PAK5: variants seen among roughly 807,000 people sequenced by gnomAD.
PAK5 encodes serine/threonine-protein kinase PAK 5.
In PAK5, 16 loss-of-function variants were observed where a neutral mutation model predicts 65.9. The ratio of observed to expected loss-of-function variants is 0.24; its 90% confidence interval spans 0.16 to 0.37. The LOEUF is 0.37. Ranked by LOEUF, PAK5 falls within the 10% of genes least tolerant of loss-of-function variation. The pLI, the probability that PAK5 is intolerant of heterozygous loss-of-function variation, is 1.00. For synonymous variants in PAK5, 371 were observed against 354.9 expected, an observed-to-expected ratio of 1.05 and a Z score of -0.51; for missense variants, 785 against 903.9, an observed-to-expected ratio of 0.87 and a Z score of 1.69.
chr20:9,776,859 A>T (rs184147026), intron 1 of PAK5, among the ~76,000 whole-genome samples: 1 of 152,338 alleles, frequency 6.6e-6, no homozygotes, highest in East Asian at 1.9e-4. Context: ...TGAATTTCTG[A>T]TCCATAGAAA....
chr20:9,672,990 G>A (rs1476744796), intron 2 of PAK5, among the ~76,000 whole-genome samples: 1 of 152,086 alleles, frequency 6.6e-6, no homozygotes, highest in African/African-American at 2.4e-5. Flanking sequence ...GAGACTCAAA[G>A]AATAATGCTC....
intron 1 of PAK5, among the ~76,000 whole-genome samples, chr20:9,797,128 C>T (rs985236008): frequency 2.6e-5 from 4 of 151,522 alleles, no homozygotes; most frequent in African/African-American, 9.7e-5. Flanking sequence ...ATTTGCGTTT[C>T]TCTGATGGCC....
chr20:9,692,473 G>C (rs181800714), intron 2 of PAK5, among the ~76,000 whole-genome samples: 1 of 152,094 alleles, frequency 6.6e-6, no homozygotes, highest in Non-Finnish European at 1.5e-5. Flanking sequence ...TGGCAGTTAG[G>C]TTATGTTTTA....
At chr20:9,824,890 A>C (rs1600414906) in intron 1 of PAK5, among the ~76,000 whole-genome samples, 1 of 152,142 alleles carries the variant, frequency 6.6e-6, no homozygotes, top group Non-Finnish European at 1.5e-5. Flanking sequence ...ATGCCTCCTC[A>C]TGGTACATGC....
rs187164510 is a variant in PAK5 at position 9,681,894 on chromosome 20, G to A, written c.-12+29392C>T. On this transcript the variant is annotated intron_variant, in intron 2 of 9. Coordinates refer to ENST00000353224, the MANE Select transcript of PAK5 (RefSeq NM_177990.4). The stretch of plus-strand genomic sequence containing the variant: ...TTTTTGTTAGTCTATAAACACCTCC[G>A]TTTTACTTAATTTTTGGAGGCTTCT... Among the ~76,000 whole-genome samples the A allele has an allele frequency of 6.1e-4, 93 of 152,046 alleles. 1 individual carries two copies. Among genetic ancestry groups the A allele is most frequent in the Non-Finnish European group, 9.7e-4 (66 of 67,998 alleles).
chr20:9,815,174 C>T (rs2049342503), intron 1 of PAK5, among the ~76,000 whole-genome samples: 2 of 152,138 alleles, frequency 1.3e-5, no homozygotes, highest in Admixed American at 6.6e-5. Flanking sequence ...AAGGATCCGC[C>T]CCCATGATCC....
chr20:9,836,466 G>T (rs1335201836), intron 1 of PAK5, among the ~76,000 whole-genome samples: 1 of 152,196 alleles, frequency 6.6e-6, no homozygotes, highest in Non-Finnish European at 1.5e-5. Context: ...GCAGAGATTG[G>T]AGTTATGCTG....
chr20:9,811,778 C>T (rs1279443482), intron 1 of PAK5, among the ~76,000 whole-genome samples: 1 of 152,148 alleles, frequency 6.6e-6, no homozygotes, highest in Non-Finnish European at 1.5e-5. Context: ...TGAAACAATG[C>T]AAAGTTGGAC....
intron 3 of PAK5, among the ~76,000 whole-genome samples, chr20:9,612,636 C>T (rs997092187): frequency 6.6e-6 from 1 of 152,048 alleles, no homozygotes; most frequent in Non-Finnish European, 1.5e-5. Flanking sequence ...GAACTCCACC[C>T]CCCCGATCCA....
At chr20:9,641,770 A>C (rs200622971) in intron 3 of PAK5, among the ~76,000 whole-genome samples, 12 of 152,218 alleles carry the variant, frequency 7.9e-5, no homozygotes, top group Non-Finnish European at 1.3e-4. Flanking sequence ...GAAATCGAGC[A>C]CAGCGCCGGT....
rs2122996661 is a variant in PAK5, at chr20:9,566,117, A to G, written c.1258T>C (p.Ser420Pro). ...GACACCCTGGAGGGCTGCTGGTCGG[A>G]GGAGGAGCCCCAGCTGGGCGGCGGG... The part of the protein sequence containing the change: ...TYPPPSWGSS[S>P]DQQPSRVSHE... Residue 420 changes from serine to proline, a missense_variant, in exon 5 of 10, where the codon TCC becomes CCC. This residue lies in a region of PAK5 where 422 missense variants were observed against 413.3 expected (regional missense o/e 1.02). Transcript: ENST00000353224. 1.2e-6 allele frequency: 2 copies of G among 1,613,760 alleles called. No homozygotes were observed. The highest frequency in any genetic ancestry group is 1.7e-6 in the Non-Finnish European group (2 of 1,179,888).
At chr20:9,794,679 GA>G (rs1355573299) in intron 1 of PAK5, among the ~76,000 whole-genome samples, 1 of 152,052 alleles carries the variant, frequency 6.6e-6, no homozygotes, top group East Asian at 1.9e-4. Context: ...AAGGAATTAA[GA>G]AACCAGAGGA....
intron 1 of PAK5, among the ~76,000 whole-genome samples, chr20:9,770,278 C>T (rs572643437): frequency 2.0e-5 from 3 of 152,170 alleles, no homozygotes; most frequent in African/African-American, 7.2e-5. Flanking sequence ...GTGCGGTTGA[C>T]AGTGCGATGA....
chr20:9,545,269 T>C lies in PAK5; in HGVS notation c.1744-775A>G, dbSNP rs114934601. Among the ~76,000 whole-genome samples the C allele has an allele frequency of 7.4e-3, 1,122 of 152,272 alleles. 8 individuals carry two copies. The highest frequency in any genetic ancestry group is 0.025 in the African/African-American group (1,056 of 41,556). On this transcript the variant is annotated intron_variant, in intron 7 of 9. Transcript: ENST00000353224. ...TTCTTTCCTAGAGCTCATGTACTCT[T>C]AAGAACATACTGCACCCTGGGTGTT...
intron 7 of PAK5, among the ~76,000 whole-genome samples, chr20:9,551,772 C>G (rs188679635): frequency 1.3e-5 from 2 of 152,180 alleles, no homozygotes; most frequent in African/African-American, 4.8e-5. Flanking sequence ...AATGCAGCTT[C>G]CTGGGTACCA....
chr20:9,799,933 T>A (rs2049148531), intron 1 of PAK5, among the ~76,000 whole-genome samples: 2 of 93,942 alleles, frequency 2.1e-5, no homozygotes, highest in Non-Finnish European at 3.9e-5. Flanking sequence ...AGTGAGACTC[T>A]GTCTCCAAAA....
At chr20:9,607,261 G>C (rs2046472053) in intron 3 of PAK5, among the ~76,000 whole-genome samples, 1 of 152,174 alleles carries the variant, frequency 6.6e-6, no homozygotes, top group African/African-American at 2.4e-5. Context: ...ACCTGAACCT[G>C]ACTATGAGAA....
At chr20:9,596,375 G>A (rs2123085139) in intron 3 of PAK5, among the ~76,000 whole-genome samples, 1 of 152,228 alleles carries the variant, frequency 6.6e-6, no homozygotes, top group Admixed American at 6.5e-5. Context: ...GGAGGCTCAC[G>A]CCTGTAATCC....
At chr20:9,580,094 C>T in intron 4 of PAK5, 51 bp downstream of exon 4, 1 of 1,483,182 alleles carries the variant, frequency 6.7e-7, no homozygotes, top group East Asian at 2.3e-5. Flanking sequence ...GCCAGCACCA[C>T]CCCTGTGGAG....
Sources: allele counts gnomAD v4.1 joint callset (sites outside exome capture counted in the v4.1 genomes callset), GRCh38; gene constraint gnomAD v4.1.1; regional missense constraint gnomAD v4.1.1; transcripts MANE v1.5; gene names NCBI Gene and HGNC (gene_info 2026-07-23, HGNC 2026-07-21).